HFM1: variants seen among roughly 807,000 people sequenced by gnomAD.
HFM1 encodes the protein probable ATP-dependent DNA helicase HFM1.
Under a neutral mutation model 192.1 loss-of-function variants are expected in HFM1, and 169 were observed. The observed-to-expected ratio is 0.88, with a 90% CI of 0.78 to 1.00. The LOEUF is 1.00. HFM1 is among the 50% of genes least tolerant of loss of function. HFM1 has a pLI of 0.00. For synonymous variants in HFM1, 525 were observed against 537.8 expected (o/e 0.98, Z 0.33); for missense variants, 1,661 against 1,668.0 (o/e 1.00, Z 0.07).
chr1:91,375,093 T>C (rs1660745704), intron 13 of HFM1, among the ~76,000 whole-genome samples: 1 of 151,990 alleles, frequency 6.6e-6, no homozygotes, highest in Non-Finnish European at 1.5e-5. Flanking sequence ...TCAGCTTTAG[T>C]GAAAGACTAT....
chr1:91,310,420 T>C (rs1427469285), intron 30 of HFM1, among the ~76,000 whole-genome samples: 1 of 152,176 alleles, frequency 6.6e-6, no homozygotes. Context: ...AAAATTCCCA[T>C]AATAAAAAAT....
rs1466674836 is a variant in HFM1 at position 91,385,640 on chromosome 1, T to A, written c.689A>T (p.Glu230Val). Residue 230 changes from glutamate to valine, a missense_variant, in exon 5 of 39, where the codon GAA (glutamate) becomes GTA (valine). Transcript: ENST00000370425. The part of the protein sequence containing the change: ...FTANNAFSAS[E>V]IGEGMFKAPS... ...TGCTTTGAACATGCCTTCTCCGATT[T>A]CAGAAGCAGAAAAAGCATTATTTGC... 6.2e-7 allele frequency: 1 copy of A among 1,613,130 alleles called. No homozygotes were observed. The highest frequency in any genetic ancestry group is 8.5e-7 in the Non-Finnish European group (1 of 1,179,196).
At chr1:91,369,233 A>G (rs1261342427) in intron 13 of HFM1, among the ~76,000 whole-genome samples, 1 of 152,144 alleles carries the variant, frequency 6.6e-6, no homozygotes, top group East Asian at 1.9e-4. Context: ...TGAACTCAGC[A>G]CTGCACCAAC....
chr1:91,401,132 T>C, intron 1 of HFM1, 23 bp from the exon 2 acceptor site: 1 of 979,788 alleles, frequency 1.0e-6, no homozygotes, highest in Non-Finnish European at 1.5e-6. Context: ...GAAAAAGTAG[T>C]TTATATTTTA....
At chr1:91,340,717 C>T (rs1655213742) in intron 20 of HFM1, among the ~76,000 whole-genome samples, 1 of 152,070 alleles carries the variant, frequency 6.6e-6, no homozygotes, top group Admixed American at 6.5e-5. Context: ...ATCTCATATG[C>T]AATAACACCC....
intron 20 of HFM1, among the ~76,000 whole-genome samples, chr1:91,326,549 G>A (rs1023332843): frequency 2.6e-5 from 4 of 152,148 alleles, no homozygotes; most frequent in Admixed American, 2.0e-4. Flanking sequence ...GAAATAAAGA[G>A]CTTCCTAGAC....
chr1:91,368,067 A>T (rs945500004), intron 13 of HFM1, among the ~76,000 whole-genome samples: 3 of 152,186 alleles, frequency 2.0e-5, no homozygotes, highest in African/African-American at 7.2e-5. Flanking sequence ...AAAAGAAACA[A>T]ACAAAGCCTC....
intron 13 of HFM1, among the ~76,000 whole-genome samples, chr1:91,359,522 C>A (rs923317895): frequency 4.3e-5 from 6 of 140,822 alleles, no homozygotes; most frequent in Non-Finnish European, 9.0e-5. Context: ...AGAAGATTAT[C>A]TTTCTGAAAT....
At chr1:91,365,127 T>C (rs985762799) in intron 13 of HFM1, among the ~76,000 whole-genome samples, 1 of 152,048 alleles carries the variant, frequency 6.6e-6, no homozygotes, top group African/African-American at 2.4e-5. Flanking sequence ...CTCACTCACA[T>C]GTGAAACGTG....
intron 30 of HFM1, among the ~76,000 whole-genome samples, chr1:91,281,844 A>T (rs1306093721): frequency 6.6e-6 from 1 of 152,144 alleles, no homozygotes; most frequent in Non-Finnish European, 1.5e-5. Context: ...CTGCCTTCTC[A>T]TTCTTCCAAG....
chr1:91,390,831 G>A (rs1662889935), intron 4 of HFM1, among the ~76,000 whole-genome samples: 3 of 152,152 alleles, frequency 2.0e-5, no homozygotes, highest in Admixed American at 2.0e-4. Flanking sequence ...GTTTGCAGAA[G>A]ACATGATTGT....
chr1:91,321,634 T>A (rs898077983), intron 23 of HFM1, among the ~76,000 whole-genome samples: 1 of 152,074 alleles, frequency 6.6e-6, no homozygotes, highest in Admixed American at 6.6e-5. Context: ...CAAAAGACTA[T>A]AAATTTTGGA....
chr1:91,329,573 C>G, intron 20 of HFM1: 1 of 1,215,582 alleles, frequency 8.2e-7, no homozygotes, highest in Non-Finnish European at 1.1e-6. Context: ...CTCTTGTACC[C>G]TTAAGAGCTA....
At chr1:91,398,109 G>A (rs961876706) in intron 2 of HFM1, among the ~76,000 whole-genome samples, 1 of 152,272 alleles carries the variant, frequency 6.6e-6, no homozygotes, top group Admixed American at 6.5e-5. Context: ...AGCCAAAGCC[G>A]CCCTCGCAAA....
At chr1:91,305,618 A>G (rs1649486968) in intron 30 of HFM1, among the ~76,000 whole-genome samples, 1 of 150,684 alleles carries the variant, frequency 6.6e-6, no homozygotes, top group East Asian at 2.0e-4. Context: ...CCCAGGCTGG[A>G]GTGGAGTGGT....
intron 13 of HFM1, among the ~76,000 whole-genome samples, chr1:91,367,735 T>C (rs191100249): frequency 1.4e-4 from 21 of 152,018 alleles, no homozygotes; most frequent in Admixed American, 5.2e-4. Context: ...TCACCAGCAA[T>C]GGAACACAGC....
At chr1:91,364,087 C>T (rs1413417592) in intron 13 of HFM1, among the ~76,000 whole-genome samples, 1 of 151,786 alleles carries the variant, frequency 6.6e-6, no homozygotes, top group African/African-American at 2.4e-5. Context: ...GAGCTTAATA[C>T]CTAGGTTATG....
chr1:91,300,050 G>C (rs1240135666), intron 30 of HFM1, among the ~76,000 whole-genome samples: 1 of 151,962 alleles, frequency 6.6e-6, no homozygotes, highest in African/African-American at 2.4e-5. Context: ...GACTAATAAA[G>C]AAGAAAAGAG....
chr1:91,333,422 T>C (rs887075980), intron 20 of HFM1, among the ~76,000 whole-genome samples: 2 of 151,760 alleles, frequency 1.3e-5, no homozygotes, highest in African/African-American at 2.4e-5. Context: ...CTCATGGACA[T>C]AGAGAGTAGA....
Sources: allele counts gnomAD v4.1 joint callset (sites outside exome capture counted in the v4.1 genomes callset), GRCh38; gene constraint gnomAD v4.1.1; transcripts MANE v1.5; gene names NCBI Gene and HGNC (gene_info 2026-07-23, HGNC 2026-07-21).